HS6ST3: variants seen among roughly 807,000 people sequenced by gnomAD.
HS6ST3 encodes heparan-sulfate 6-O-sulfotransferase 3.
A neutral mutation model predicts 36.7 loss-of-function variants in HS6ST3; 12 were observed. The observed-to-expected ratio is 0.33, with a 90% CI of 0.21 to 0.53. The LOEUF (loss-of-function observed/expected upper bound fraction) is 0.53. HS6ST3 is among the 20% of genes least tolerant of loss of function. The probability of loss-of-function intolerance (pLI) is 0.95; values close to 1 mark genes in which losing one functional copy is unlikely to be tolerated. For synonymous variants in HS6ST3, 240 were observed against 257.5 expected (o/e 0.93, Z 0.65); for missense variants, 584 against 640.9 (o/e 0.91, Z 0.96).
chr13:96,435,021 G>T, intron 1 of HS6ST3, among the ~76,000 whole-genome samples: 1 of 151,306 alleles, frequency 6.6e-6, no homozygotes, highest in African/African-American at 2.4e-5. Context: ...GAGTAAATTT[G>T]CAATCCTACT....
chr13:96,695,809 A>G (rs1286764851), intron 1 of HS6ST3, among the ~76,000 whole-genome samples: 1 of 152,166 alleles, frequency 6.6e-6, no homozygotes, highest in African/African-American at 2.4e-5. Flanking sequence ...TATAAGGTTC[A>G]TGATGTTCAA....
rs879299085 is a variant in HS6ST3 at position 96,765,577 on chromosome 13, GCTCTCTCTCTTTCTCTCTCT to G, written c.708-66902_708-66883del. On this transcript the variant is annotated intron_variant, in intron 1 of 1. Coordinates refer to ENST00000376705, the MANE Select transcript of HS6ST3 (RefSeq NM_153456.4). ...AGTTTCTGTGAACAGAGATGTATGC[GCTCTCTCTCTTTCTCTCTCT>G]CTCTCTCTCTCTCTCTCTCTCTCTC... is the stretch of plus-strand genomic sequence containing the variant. Among the ~76,000 whole-genome samples, 256 of 127,136 alleles carry G rather than the reference GCTCTCTCTCTTTCTCTCTCT, an allele frequency of 2.0e-3. 1 individual carries two copies. The highest frequency in any genetic ancestry group is 7.5e-3 in the African/African-American group (243 of 32,514). 83.4% of individuals were successfully genotyped at this position (127,136 alleles called of 152,430 possible). A position where few individuals can be genotyped will look rare whatever the true frequency, so the allele number is the denominator to read the frequency against.
At chr13:96,778,463 TAAAC>T (rs1320743069) in intron 1 of HS6ST3, among the ~76,000 whole-genome samples, 3 of 151,994 alleles carry the variant, frequency 2.0e-5, no homozygotes, top group Admixed American at 1.3e-4. Flanking sequence ...ACAATGAACT[TAAAC>T]AAATTTACAA....
chr13:96,748,544 C>A (rs987642637), intron 1 of HS6ST3, among the ~76,000 whole-genome samples: 1 of 152,114 alleles, frequency 6.6e-6, no homozygotes, highest in African/African-American at 2.4e-5. Flanking sequence ...TTTAGCTAGT[C>A]AGAACTGTGC....
chr13:96,530,120 A>G (rs1430295070), intron 1 of HS6ST3, among the ~76,000 whole-genome samples: 1 of 152,222 alleles, frequency 6.6e-6, no homozygotes, highest in African/African-American at 2.4e-5. Context: ...ATTGCTACTT[A>G]GAATATGGTC....
At chr13:96,178,462 A>T (rs1441806189) in intron 1 of HS6ST3, among the ~76,000 whole-genome samples, 3 of 152,062 alleles carry the variant, frequency 2.0e-5, no homozygotes, top group African/African-American at 7.2e-5. Context: ...TTCACTTTTC[A>T]GGGACCAACT....
chr13:96,826,453 A>T (rs1433604842), intron 1 of HS6ST3, among the ~76,000 whole-genome samples: 1 of 152,042 alleles, frequency 6.6e-6, no homozygotes, highest in East Asian at 1.9e-4. Context: ...AGGCCTCTGT[A>T]GTAGGTGCTG....
chr13:96,550,343 C>T (rs2056215112), intron 1 of HS6ST3, among the ~76,000 whole-genome samples: 1 of 152,168 alleles, frequency 6.6e-6, no homozygotes, highest in Non-Finnish European at 1.5e-5. Context: ...GCCTGCCCCT[C>T]CTCCACCTTC....
At chr13:96,733,745 T>A (rs1876216188) in intron 1 of HS6ST3, among the ~76,000 whole-genome samples, 1 of 152,230 alleles carries the variant, frequency 6.6e-6, no homozygotes, top group African/African-American at 2.4e-5. Context: ...ACTCTTGGCA[T>A]ACCGTGAGCT....
chr13:96,569,241 T>C (rs1239777502), intron 1 of HS6ST3, among the ~76,000 whole-genome samples: 1 of 152,190 alleles, frequency 6.6e-6, no homozygotes, highest in African/African-American at 2.4e-5. Flanking sequence ...CAGAAAGAAG[T>C]TACTGGCCTG....
intron 1 of HS6ST3, among the ~76,000 whole-genome samples, chr13:96,815,466 G>T (rs1107219): frequency 6.6e-6 from 1 of 151,976 alleles, no homozygotes; most frequent in South Asian, 2.1e-4. Context: ...TTTTCGGAAC[G>T]GACACAATTC....
intron 1 of HS6ST3, among the ~76,000 whole-genome samples, chr13:96,127,080 T>A (rs1003814139): frequency 6.6e-6 from 1 of 152,228 alleles, no homozygotes; most frequent in Non-Finnish European, 1.5e-5. Flanking sequence ...ATTTCATACC[T>A]GTAATGGACT....
chr13:96,165,179 G>C (rs1318275059), intron 1 of HS6ST3, among the ~76,000 whole-genome samples: 1 of 152,208 alleles, frequency 6.6e-6, no homozygotes, highest in South Asian at 2.1e-4. Flanking sequence ...TATTTTAGGG[G>C]GAATGTGAGC....
intron 1 of HS6ST3, among the ~76,000 whole-genome samples, chr13:96,683,445 T>A (rs912992074): frequency 6.6e-6 from 1 of 152,114 alleles, no homozygotes; most frequent in African/African-American, 2.4e-5. Flanking sequence ...TATCGTATGT[T>A]TAAGACATTG....
intron 1 of HS6ST3, among the ~76,000 whole-genome samples, chr13:96,432,586 C>A (rs146836167): frequency 6.6e-6 from 1 of 152,200 alleles, no homozygotes; most frequent in African/African-American, 2.4e-5. Flanking sequence ...AATATAATAA[C>A]CAGACTTACT....
At chr13:96,095,137 A>C (rs1479377913) in intron 1 of HS6ST3, among the ~76,000 whole-genome samples, 2 of 152,202 alleles carry the variant, frequency 1.3e-5, no homozygotes, top group Non-Finnish European at 2.9e-5. Flanking sequence ...TCATGTCTCC[A>C]TTTTCATAAT....
chr13:96,272,706 A>G (rs952203899), intron 1 of HS6ST3, among the ~76,000 whole-genome samples: 1 of 152,044 alleles, frequency 6.6e-6, no homozygotes, highest in Non-Finnish European at 1.5e-5. Flanking sequence ...GCAATAGACT[A>G]TAAGCTATAC....
intron 1 of HS6ST3, among the ~76,000 whole-genome samples, chr13:96,184,391 A>C (rs1186967344): frequency 2.0e-5 from 3 of 152,026 alleles, no homozygotes; most frequent in African/African-American, 7.2e-5. Flanking sequence ...TTACTTACAA[A>C]ACATTCAGCT....
chr13:96,408,004 G>A (rs1228224455), intron 1 of HS6ST3, among the ~76,000 whole-genome samples: 4 of 152,034 alleles, frequency 2.6e-5, no homozygotes, highest in Non-Finnish European at 4.4e-5. Context: ...GCAGTGGCAC[G>A]ATCTCGGCTC....
Sources: gnomAD v4.1 joint callset for allele counts (sites outside exome capture counted in the v4.1 genomes callset) on GRCh38, gnomAD v4.1.1 for gene constraint, MANE v1.5 for transcripts, NCBI Gene and HGNC (gene_info 2026-07-23, HGNC 2026-07-21) for gene names.